Variants in SERPINC1 observed in about 807,000 individuals in gnomAD.
The protein encoded by SERPINC1 is serpin family C member 1.
In SERPINC1, 12 loss-of-function variants were observed where a neutral mutation model predicts 43.4. The ratio of observed to expected loss-of-function variants is 0.28; its 90% CI spans 0.18 to 0.45. The LOEUF (loss-of-function observed/expected upper bound fraction) is 0.45, where lower values mean the gene tolerates loss of function less well. Among genes scored for constraint, SERPINC1 ranks in the 20% least tolerant of loss-of-function variants. The pLI is 1.00. For synonymous variants in SERPINC1, 210 were observed against 218.9 expected, an observed-to-expected ratio of 0.96 and a Z score of 0.36; for missense variants, 423 against 578.8, an observed-to-expected ratio of 0.73 and a Z score of 2.76.
At chr1:173,916,915 T>A (rs1406714358) in intron 1 of SERPINC1, among the ~76,000 whole-genome samples, 1 of 152,114 alleles carries the variant, frequency 6.6e-6, no homozygotes, top group Non-Finnish European at 1.5e-5. Flanking sequence ...CCCTGGGGAT[T>A]CCCCTTGGAG....
Position 173,909,791 on chromosome 1 carries a change from G to T in SERPINC1, c.914C>A (p.Pro305His), listed in dbSNP as rs549991084. The change falls in exon 5 of 7, where the codon CCC (proline) becomes CAC (histidine). Residue 305 changes from proline to histidine, a missense_variant. By Grantham distance (77) the Pro-to-His change is moderately conservative. Transcript: ENST00000367698. ...CATGGTGATGTCATCACCTTTGAAG[G>T]GCAACTCAAGCACCTGGGTGCCTTC... ...VAEGTQVLEL[P>H]FKGDDITMVL... 761 of 1,614,176 alleles carry T rather than the reference G, an allele frequency of 4.7e-4. 11 individuals are homozygous for T. In the South Asian group the frequency reaches 7.9e-3, roughly 17 times the overall value.
intron 2 of SERPINC1, 29 bp from the exon 3 acceptor site, chr1:173,912,043 G>A: frequency 6.5e-7 from 1 of 1,546,946 alleles, no homozygotes; most frequent in Non-Finnish European, 8.9e-7. Flanking sequence ...AATGGTGGTG[G>A]GTTTGGTGGG....
rs558662907 is a variant in SERPINC1, at chr1:173,911,753, G to A, written c.624+46C>T. 4.2e-4 allele frequency: 606 copies of A among 1,435,794 alleles called. 20 individuals carry two copies. In the South Asian group the frequency reaches 6.7e-3, roughly 16 times the overall value. 88.9% of individuals were successfully genotyped at this position (1,435,794 alleles called of 1,614,324 possible). A position where few individuals can be genotyped will look rare whatever the true frequency, so the allele number is the denominator to read the frequency against. The stretch of plus-strand genomic sequence containing the variant: ...GTTTCTCCACCTCCTCAATCTCTGA[G>A]TGGAGAGGAAGAACTCGGAGGTCAG... On this transcript the variant is annotated intron_variant, in intron 3 of 6. Coordinates refer to ENST00000367698, the MANE Select transcript of SERPINC1 (RefSeq NM_000488.4).
chr1:173,911,321 C>T lies in SERPINC1; in HGVS notation c.625-430G>A, dbSNP rs180676334. Among the ~76,000 whole-genome samples the T allele has an allele frequency of 2.0e-3, 304 of 152,252 alleles. 1 individual carries two copies. Among genetic ancestry groups the T allele is most frequent in the South Asian group, 3.3e-3 (16 of 4,828 alleles). ...GCAGGTTATATGGAGGAGAGAAATGCCCATGCAGTCAAATACATTTGAGGA... is the reference window on the plus strand; with the variant it reads ...GCAGGTTATATGGAGGAGAGAAATGTCCATGCAGTCAAATACATTTGAGGA... On this transcript the variant is annotated intron_variant, in intron 3 of 6. Coordinates refer to ENST00000367698, the MANE Select transcript of SERPINC1 (RefSeq NM_000488.4).
intron 1 of SERPINC1, among the ~76,000 whole-genome samples, chr1:173,916,193 G>T (rs922799047): frequency 1.3e-5 from 2 of 152,224 alleles, no homozygotes; most frequent in Middle Eastern, 3.2e-3. Context: ...AAAGTCTCTT[G>T]TAATATTTTT....
chr1:173,916,343 C>T (rs2227594), intron 1 of SERPINC1, among the ~76,000 whole-genome samples: 30,583 of 152,104 alleles, frequency 0.2, 4,152 homozygotes, highest in African/African-American at 0.38. Context: ...TGCAGATTCA[C>T]GGACGTGGTC....
At chr1:173,904,533 C>G (rs1657406658) in intron 6 of SERPINC1, among the ~76,000 whole-genome samples, 2 of 152,184 alleles carry the variant, frequency 1.3e-5, no homozygotes, top group Admixed American at 6.5e-5. Context: ...GGTGGGTTCT[C>G]TGGCTGGACG....
In SERPINC1 at chr1:173,909,631, C is replaced by T. The variant is rs1657675616; in HGVS notation, c.1074G>A (p.Glu358=). 1 of 1,613,874 alleles carries T rather than the reference C, an allele frequency of 6.2e-7. No individual in the cohort carries two copies. Among genetic ancestry groups the T allele is most frequent in the South Asian group, 1.1e-5 (1 of 91,088 alleles). ...GCTGCTCCTTCAAACTGAAGCCGTC[C>T]TCAATGCGGAAGCGGGGCATGTGGA... ...LVVHMPRFRI[E]DGFSLKEQLQ... Residue 358 remains glutamate, a synonymous_variant, in exon 5 of 7, where the codon GAG becomes GAA. Coordinates refer to ENST00000367698, the MANE Select transcript of SERPINC1 (RefSeq NM_000488.4).
At position 173,903,841 on chromosome 1, in the gene SERPINC1, T is replaced by A. The variant is rs1385332988; in HGVS notation, c.*48A>T. The A allele has an allele frequency of 2.6e-6, 4 of 1,523,708 alleles. No individual in the cohort carries two copies. The highest frequency in any genetic ancestry group is 3.6e-6 in the Non-Finnish European group (4 of 1,098,702). 94.4% of individuals were successfully genotyped at this position (1,523,708 alleles called of 1,614,324 possible). A position where few individuals can be genotyped will look rare whatever the true frequency, so the allele number is the denominator to read the frequency against. ...GAAGTAGTTTGTATTTATTTTTACT[T>A]CTGTTCACAAACCAAAAATAGGAAG... On this transcript the variant is annotated 3_prime_UTR_variant, in exon 7 of 7. Coordinates refer to ENST00000367698, the MANE Select transcript of SERPINC1 (RefSeq NM_000488.4).
intron 6 of SERPINC1, among the ~76,000 whole-genome samples, chr1:173,906,828 C>A (rs1398678172): frequency 6.6e-6 from 1 of 151,974 alleles, no homozygotes; most frequent in Non-Finnish European, 1.5e-5. Flanking sequence ...AAAACTTCTC[C>A]CTAGGTTGGC....
rs757611426 is a variant in SERPINC1 at position 173,907,447 on chromosome 1, C to G, written c.1218+3G>C. The G allele has an allele frequency of 6.2e-7, 1 of 1,608,076 alleles. No individual in the cohort carries two copies. The highest frequency in any genetic ancestry group is 1.3e-5 in the African/African-American group (1 of 74,800). ...CCTAAGAGAGTGGGGAAGGTGTACTCACCTCAAGAAATGCCTTATGGAATG... is the reference window on the plus strand; with the variant it reads ...CCTAAGAGAGTGGGGAAGGTGTACTGACCTCAAGAAATGCCTTATGGAATG... On this transcript the variant is annotated splice_donor_region_variant and intron_variant, in intron 6 of 6. Transcript: ENST00000367698.
intron 4 of SERPINC1, among the ~76,000 whole-genome samples, chr1:173,910,341 G>A (rs1354573624): frequency 1.3e-5 from 2 of 152,168 alleles, no homozygotes; most frequent in African/African-American, 4.8e-5. Context: ...CACTTTGGGA[G>A]GCCGAGGTGG....
At chr1:173,912,754 TCA>T (rs779100799) in intron 2 of SERPINC1, among the ~76,000 whole-genome samples, 29 of 152,270 alleles carry the variant, frequency 1.9e-4, no homozygotes, top group Non-Finnish European at 3.7e-4. Context: ...CCAGAGAGAT[TCA>T]GTCTCACCCT....
At chr1:173,907,601 C>T in intron 5 of SERPINC1, 87 bp from the exon 6 acceptor site, 1 of 906,252 alleles carries the variant, frequency 1.1e-6, no homozygotes, top group Non-Finnish European at 1.9e-6. Flanking sequence ...ATTAAGAGAT[C>T]CTTTGGGGCT....
At position 173,910,316 on chromosome 1, in the gene SERPINC1, T is replaced by C. The variant is rs184472294; in HGVS notation, c.763-374A>G. Among the ~76,000 whole-genome samples, 1,317 of 152,262 alleles carry C rather than the reference T, an allele frequency of 8.6e-3. 8 individuals are homozygous for C. Among genetic ancestry groups the C allele is most frequent in the Admixed American group, 0.018 (269 of 15,296 alleles). On this transcript the variant is annotated intron_variant, in intron 4 of 6. Transcript: ENST00000367698. ...CCAATCTGCCGGGCGCGGTGGCTCA[T>C]GCCTGTAATCCCAGCACTTTGGGAG...
chr1:173,904,808 C>A (rs1408052824), intron 6 of SERPINC1, among the ~76,000 whole-genome samples: 1 of 152,116 alleles, frequency 6.6e-6, no homozygotes, highest in Non-Finnish European at 1.5e-5. Context: ...CCCCATATTA[C>A]CTATTTCATG....
In SERPINC1 at chr1:173,909,844, T is replaced by C; in HGVS notation, c.861A>G (p.Glu287=). The C allele has an allele frequency of 2.5e-6, 4 of 1,614,032 alleles. No homozygotes were observed. Among genetic ancestry groups the C allele is most frequent in the Non-Finnish European group, 3.4e-6 (4 of 1,179,876 alleles). The change falls in exon 5 of 7, where the codon GAA becomes GAG. Residue 287 remains glutamate (E), a synonymous_variant. Transcript: ENST00000367698. ...CCACGCGCCGATAACGGAACTTGCC[T>C]TCCTGGTACATCATAGATGCTGAAC... The part of the protein sequence containing the change: ...ESCSASMMYQ[E]GKFRYRRVAE...
chr1:173,914,454 T>A lies in SERPINC1; in HGVS notation c.408+99A>T, dbSNP rs754935263. On this transcript the variant is annotated intron_variant, in intron 2 of 6. Transcript: ENST00000367698. ...CGTAATGCATAATGAGCGCCCCTAG[T>A]GGCCTGCAGTGTTGGTTGAGGAATC... 66 of 1,351,216 alleles carry A rather than the reference T, an allele frequency of 4.9e-5. 1 individual carries two copies. The highest frequency in any genetic ancestry group is 6.3e-5 in the Non-Finnish European group (59 of 943,520). 83.7% of individuals were successfully genotyped at this position (1,351,216 alleles called of 1,614,324 possible).
At chr1:173,913,374 G>C (rs1401008860) in intron 2 of SERPINC1, among the ~76,000 whole-genome samples, 1 of 152,160 alleles carries the variant, frequency 6.6e-6, no homozygotes, top group Non-Finnish European at 1.5e-5. Context: ...GGGGGGAAGG[G>C]GGTGGGAACT....
Sources: gnomAD v4.1 joint callset for allele counts (sites outside exome capture counted in the v4.1 genomes callset) on GRCh38, gnomAD v4.1.1 for gene constraint, MANE v1.5 for transcripts, NCBI Gene and HGNC (gene_info 2026-07-23, HGNC 2026-07-21) for gene names.